The following R3HCC1L variants were observed in gnomAD, a reference collection of about 807,000 sequenced individuals.
R3HCC1L encodes R3H domain and coiled-coil containing 1 like.
Under a neutral mutation model 59.9 loss-of-function variants are expected in R3HCC1L, and 51 were observed. That is an observed-to-expected ratio of 0.85 (90% CI 0.68 to 1.07). The LOEUF is 1.07. R3HCC1L is among the 50% of genes least tolerant of loss of function. The pLI is 0.00. For synonymous variants in R3HCC1L, 322 were observed against 315.2 expected (o/e 1.02, Z -0.23); for missense variants, 965 against 933.0 (o/e 1.03, Z -0.45).
chr10:98,149,399 G>A, intron 1 of R3HCC1L, among the ~76,000 whole-genome samples: 1 of 151,872 alleles, frequency 6.6e-6, no homozygotes, highest in East Asian at 1.9e-4. Context: ...CTAATTTTGG[G>A]CTAGGTTTGT....
At chr10:98,230,568 C>G (rs1223493627) in intron 5 of R3HCC1L, among the ~76,000 whole-genome samples, 1 of 152,030 alleles carries the variant, frequency 6.6e-6, no homozygotes, top group Non-Finnish European at 1.5e-5. Flanking sequence ...TTTTGTGTCT[C>G]TGTCTCCTTC....
chr10:98,221,650 G>C (rs1198192994), intron 5 of R3HCC1L, among the ~76,000 whole-genome samples: 4 of 151,606 alleles, frequency 2.6e-5, no homozygotes, highest in African/African-American at 9.7e-5. Context: ...TTTCCCCATT[G>C]CTTGTTTTTG....
In R3HCC1L at chr10:98,206,043, C is replaced by A. The variant is rs57696385; in HGVS notation, c.-14-2058C>A. Among the ~76,000 whole-genome samples, 1,030 of 152,210 alleles carry A rather than the reference C, an allele frequency of 6.8e-3. 19 individuals carry two copies. The highest frequency in any genetic ancestry group is 0.024 in the African/African-American group (988 of 41,552). ...TTCTGGAGAAACATAGAAACATAAA[C>A]AAGAAATCTTGTCTCTTTTATAGAG... On this transcript the variant is annotated intron_variant, in intron 4 of 9. Transcript: ENST00000298999.
At chr10:98,159,834 T>G (rs1202703540) in intron 2 of R3HCC1L, among the ~76,000 whole-genome samples, 1 of 152,202 alleles carries the variant, frequency 6.6e-6, no homozygotes, top group Non-Finnish European at 1.5e-5. Context: ...TTCCTTTTAA[T>G]AATGACTTTA....
At chr10:98,226,651 C>T (rs373092207) in intron 5 of R3HCC1L, among the ~76,000 whole-genome samples, 2 of 152,294 alleles carry the variant, frequency 1.3e-5, no homozygotes, top group East Asian at 1.9e-4. Context: ...TAGTAAGCTT[C>T]TTGATTTCAA....
intron 1 of R3HCC1L, among the ~76,000 whole-genome samples, chr10:98,142,796 C>G (rs115196184): frequency 0.037 from 5,545 of 151,850 alleles, 301 homozygotes; most frequent in African/African-American, 0.12. Flanking sequence ...TTAGCCAGGT[C>G]TGGCGACATG....
Position 98,244,139 on chromosome 10 carries a change from G to A in R3HCC1L, c.2318G>A (p.Arg773Lys). Residue 773 changes from arginine to lysine, a missense_variant, in exon 10 of 10, where the codon AGA (arginine) becomes AAA (lysine). Arg to Lys is a conservative substitution (Grantham distance 26). Coordinates refer to ENST00000298999, the MANE Select transcript of R3HCC1L (RefSeq NM_001351015.2). ...CAACGGGAAGACATCTGGGAAGGCAGAGACCAGTCTACAGTTTGAACATCA... is the reference window on the plus strand; with the variant it reads ...CAACGGGAAGACATCTGGGAAGGCAAAGACCAGTCTACAGTTTGAACATCA... ...AKQREDIWEG[R>K]DQSTV is the part of the protein sequence containing the mutation. 6.2e-7 allele frequency: 1 copy of A among 1,613,996 alleles called. No homozygotes were observed. The highest frequency in any genetic ancestry group is 8.5e-7 in the Non-Finnish European group (1 of 1,179,876).
intron 5 of R3HCC1L, among the ~76,000 whole-genome samples, chr10:98,221,303 C>T (rs1296422405): frequency 2.7e-5 from 4 of 150,888 alleles, no homozygotes; most frequent in Non-Finnish European, 4.4e-5. Context: ...GAGGAGGTTG[C>T]GAAAATTTTC....
At chr10:98,163,110 T>G in intron 3 of R3HCC1L, 135 bp downstream of exon 3, 4 of 262,944 alleles carry the variant, frequency 1.5e-5, no homozygotes, top group Non-Finnish European at 1.4e-5. Flanking sequence ...CCTTATTCCA[T>G]TTGGTTGATG....
intron 2 of R3HCC1L, among the ~76,000 whole-genome samples, chr10:98,160,000 T>C (rs1847247259): frequency 1.3e-5 from 2 of 152,180 alleles, no homozygotes; most frequent in Non-Finnish European, 2.9e-5. Context: ...AAGCAGTGAG[T>C]TTATACAGAT....
At chr10:98,229,667 A>C (rs973031490) in intron 5 of R3HCC1L, among the ~76,000 whole-genome samples, 5 of 152,200 alleles carry the variant, frequency 3.3e-5, no homozygotes, top group African/African-American at 4.8e-5. Flanking sequence ...CCAGTTTTCA[A>C]AGGGAATGCT....
chr10:98,139,038 A>G (rs1273757664), intron 1 of R3HCC1L, among the ~76,000 whole-genome samples: 1 of 152,180 alleles, frequency 6.6e-6, no homozygotes. Context: ...TGCTTCAATG[A>G]TCAGTGTGTT....
intron 4 of R3HCC1L, among the ~76,000 whole-genome samples, chr10:98,197,648 ATATT>A (rs991916421): frequency 1.2e-4 from 19 of 152,246 alleles, no homozygotes; most frequent in African/African-American, 3.9e-4. Flanking sequence ...TAAATAAATG[ATATT>A]TATTTAGTAA....
At chr10:98,143,148 G>A (rs1036103847) in intron 1 of R3HCC1L, among the ~76,000 whole-genome samples, 1 of 152,204 alleles carries the variant, frequency 6.6e-6, no homozygotes, top group African/African-American at 2.4e-5. Flanking sequence ...AAAACTTAGT[G>A]TTAGGAAAAG....
intron 5 of R3HCC1L, among the ~76,000 whole-genome samples, chr10:98,223,221 G>T (rs963924033): frequency 6.6e-6 from 1 of 152,142 alleles, no homozygotes; most frequent in African/African-American, 2.4e-5. Context: ...CCAAAGCCAC[G>T]CAGAGACACA....
At chr10:98,241,453 T>C (rs894937942) in intron 9 of R3HCC1L, among the ~76,000 whole-genome samples, 1 of 152,204 alleles carries the variant, frequency 6.6e-6, no homozygotes, top group African/African-American at 2.4e-5. Context: ...GATTGATTTA[T>C]TATATTGGAG....
chr10:98,168,959 T>G (rs1848227472), intron 4 of R3HCC1L, among the ~76,000 whole-genome samples: 1 of 152,162 alleles, frequency 6.6e-6, no homozygotes, highest in East Asian at 1.9e-4. Context: ...TTATGCGGAA[T>G]AGAAGAGAGG....
chr10:98,168,639 G>A (rs1325221566), intron 4 of R3HCC1L, among the ~76,000 whole-genome samples: 1 of 152,140 alleles, frequency 6.6e-6, no homozygotes, highest in East Asian at 1.9e-4. Flanking sequence ...AGAGGCAGAG[G>A]CAGTAAATAT....
At chr10:98,145,323 G>C (rs986537077) in intron 1 of R3HCC1L, among the ~76,000 whole-genome samples, 2 of 152,206 alleles carry the variant, frequency 1.3e-5, no homozygotes, top group Non-Finnish European at 2.9e-5. Flanking sequence ...GGAAGAAGAA[G>C]AGTAAGATAT....
Sources: allele counts gnomAD v4.1 joint callset (sites outside exome capture counted in the v4.1 genomes callset), GRCh38; gene constraint gnomAD v4.1.1; transcripts MANE v1.5; gene names NCBI Gene and HGNC (gene_info 2026-07-23, HGNC 2026-07-21).